SRBD1: variants seen among roughly 807,000 people sequenced by gnomAD.
SRBD1 encodes the protein S1 RNA-binding domain-containing protein 1.
SRBD1 carries 88 observed loss-of-function variants against 115.3 expected under a neutral mutation model. The ratio of observed to expected loss-of-function variants is 0.76; its 90% CI spans 0.64 to 0.91. SRBD1 has a LOEUF of 0.91. Ranked by LOEUF, SRBD1 falls within the 40% of genes least tolerant of loss-of-function variation. The pLI, the probability that SRBD1 is intolerant of heterozygous loss-of-function variation, is 0.00. For missense variants in SRBD1, 1,385 were observed against 1,177.4 expected, an observed-to-expected ratio of 1.18 and a Z score of -2.58; for synonymous variants, 509 against 407.7, an observed-to-expected ratio of 1.25 and a Z score of -2.99.
At chr2:45,610,481 G>A (rs765962892) in intron 1 of SRBD1, among the ~76,000 whole-genome samples, 1 of 152,200 alleles carries the variant, frequency 6.6e-6, no homozygotes, top group Admixed American at 6.5e-5. Context: ...AGGTGAAACA[G>A]TTTACTCAAA....
chr2:45,432,272 G>A (rs756662148), intron 16 of SRBD1, among the ~76,000 whole-genome samples: 4 of 151,876 alleles, frequency 2.6e-5, no homozygotes, highest in African/African-American at 7.3e-5. Context: ...CAGGTGATCC[G>A]CCCACCTCAG....
intron 16 of SRBD1, among the ~76,000 whole-genome samples, chr2:45,472,962 T>TC (rs1669695320): frequency 6.6e-6 from 1 of 151,886 alleles, no homozygotes; most frequent in Non-Finnish European, 1.5e-5. Context: ...GGTTGTTTTT[T>TC]TTTTCTTTAG....
intron 16 of SRBD1, among the ~76,000 whole-genome samples, chr2:45,446,105 C>T (rs1055754086): frequency 6.6e-6 from 1 of 152,150 alleles, no homozygotes; most frequent in African/African-American, 2.4e-5. Flanking sequence ...CCATATTGGA[C>T]AGGATCTAGG....
chr2:45,542,106 G>A (rs1327602855), intron 14 of SRBD1, among the ~76,000 whole-genome samples: 1 of 152,206 alleles, frequency 6.6e-6, no homozygotes, highest in Non-Finnish European at 1.5e-5. Context: ...ACACCTGTAG[G>A]CCTGTGCCAA....
chr2:45,542,798 G>A (rs1251018448), intron 14 of SRBD1, among the ~76,000 whole-genome samples: 2 of 152,096 alleles, frequency 1.3e-5, no homozygotes, highest in African/African-American at 4.8e-5. Flanking sequence ...GCAACAACTC[G>A]AATATCCATC....
intron 19 of SRBD1, among the ~76,000 whole-genome samples, chr2:45,405,061 A>G (rs988859362): frequency 2.6e-5 from 4 of 151,812 alleles, no homozygotes; most frequent in African/African-American, 9.7e-5. Context: ...CTTACCCACA[A>G]TCCTGGCAAT....
chr2:45,434,196 C>T (rs1668421218), intron 16 of SRBD1, among the ~76,000 whole-genome samples: 1 of 152,200 alleles, frequency 6.6e-6, no homozygotes, highest in South Asian at 2.1e-4. Context: ...CAATGATTGT[C>T]TTATTTGTTC....
chr2:45,481,932 G>C (rs1227716335), intron 15 of SRBD1, among the ~76,000 whole-genome samples: 1 of 152,076 alleles, frequency 6.6e-6, no homozygotes, highest in Non-Finnish European at 1.5e-5. Context: ...AGAGAAAGTA[G>C]ATTCATGTTT....
At chr2:45,492,470 G>A (rs1030018204) in intron 14 of SRBD1, among the ~76,000 whole-genome samples, 8 of 151,864 alleles carry the variant, frequency 5.3e-5, no homozygotes, top group African/African-American at 7.3e-5. Context: ...ACAGAGTCTC[G>A]TTCTGTCGCC....
chr2:45,600,405 G>A (rs188534502), intron 3 of SRBD1, among the ~76,000 whole-genome samples: 3 of 152,152 alleles, frequency 2.0e-5, no homozygotes, highest in Non-Finnish European at 2.9e-5. Flanking sequence ...TTTTAAAAAT[G>A]AGTAAAGGAT....
At chr2:45,494,131 T>C (rs1257888327) in intron 14 of SRBD1, among the ~76,000 whole-genome samples, 1 of 152,198 alleles carries the variant, frequency 6.6e-6, no homozygotes, top group African/African-American at 2.4e-5. Flanking sequence ...TTAAGAATTA[T>C]TATTGTAAAA....
intron 13 of SRBD1, 139 bp from the exon 14 acceptor site, chr2:45,546,978 C>T: frequency 1.3e-6 from 1 of 766,898 alleles, no homozygotes; most frequent in South Asian, 1.6e-5. Context: ...TCCACTGTTG[C>T]ATAAGGAAAA....
intron 14 of SRBD1, among the ~76,000 whole-genome samples, chr2:45,533,227 T>C (rs750392032): frequency 1.3e-5 from 2 of 151,914 alleles, no homozygotes; most frequent in African/African-American, 4.8e-5. Flanking sequence ...GAAACTATGA[T>C]GGAAAAAAAG....
intron 16 of SRBD1, among the ~76,000 whole-genome samples, chr2:45,429,688 T>C (rs1668271894): frequency 6.6e-6 from 1 of 152,216 alleles, no homozygotes; most frequent in Non-Finnish European, 1.5e-5. Flanking sequence ...AATATCATAC[T>C]GAATGGGCAA....
At chr2:45,470,543 A>C (rs1430746146) in intron 16 of SRBD1, among the ~76,000 whole-genome samples, 1 of 152,170 alleles carries the variant, frequency 6.6e-6, no homozygotes, top group Non-Finnish European at 1.5e-5. Flanking sequence ...TTCATTACCA[A>C]ATGGAGGTGT....
chr2:45,497,633 A>T (rs1355564894), intron 14 of SRBD1, among the ~76,000 whole-genome samples: 1 of 152,196 alleles, frequency 6.6e-6, no homozygotes, highest in African/African-American at 2.4e-5. Flanking sequence ...TTGCTGAGGT[A>T]TGATTTACAT....
At chr2:45,401,405 A>G (rs1320721274) in intron 19 of SRBD1, among the ~76,000 whole-genome samples, 1 of 152,204 alleles carries the variant, frequency 6.6e-6, no homozygotes, top group Non-Finnish European at 1.5e-5. Flanking sequence ...CCATAGGTCT[A>G]TTAGAAATTA....
intron 14 of SRBD1, among the ~76,000 whole-genome samples, chr2:45,523,380 G>C (rs1310825427): frequency 6.7e-6 from 1 of 148,430 alleles, no homozygotes; most frequent in Admixed American, 6.7e-5. Context: ...AAATAATAAA[G>C]AAATGAACTC....
chr2:45,410,982 A>T (rs1037542117), intron 19 of SRBD1, among the ~76,000 whole-genome samples: 2 of 152,120 alleles, frequency 1.3e-5, no homozygotes, highest in Non-Finnish European at 1.5e-5. Flanking sequence ...AAGTGGATGA[A>T]CATTAAGTAG....
Sources: gnomAD v4.1 joint callset for allele counts (sites outside exome capture counted in the v4.1 genomes callset) on GRCh38, gnomAD v4.1.1 for gene constraint, MANE v1.5 for transcripts, NCBI Gene and HGNC (gene_info 2026-07-23, HGNC 2026-07-21) for gene names.